RPS6KA5: variants seen among roughly 807,000 people sequenced by gnomAD.
The protein encoded by RPS6KA5 is ribosomal protein S6 kinase alpha-5.
Under a neutral mutation model 85.5 loss-of-function variants are expected in RPS6KA5, and 27 were observed. That is an observed-to-expected ratio of 0.32 (90% CI 0.23 to 0.44). RPS6KA5 has a LOEUF of 0.44. Among genes scored for constraint, RPS6KA5 ranks in the 20% least tolerant of loss-of-function variants. RPS6KA5 has a pLI of 1.00. For missense variants in RPS6KA5, 811 were observed against 980.9 expected (o/e 0.83, Z 2.31); for synonymous variants, 334 against 348.2 (o/e 0.96, Z 0.46).
intron 3 of RPS6KA5, among the ~76,000 whole-genome samples, chr14:90,952,748 A>T (rs1317152441): frequency 2.6e-5 from 4 of 152,242 alleles, no homozygotes; most frequent in Non-Finnish European, 4.4e-5. Context: ...CTACAACAAG[A>T]CTGATCATTA....
chr14:90,893,021 A>G (rs1267879713), intron 13 of RPS6KA5, among the ~76,000 whole-genome samples: 1 of 152,214 alleles, frequency 6.6e-6, no homozygotes, highest in Non-Finnish European at 1.5e-5. Context: ...GCAAATCTAA[A>G]TTCTGCAAGA....
chr14:90,876,952 CTCTT>C (rs1330839054), intron 14 of RPS6KA5, among the ~76,000 whole-genome samples: 6 of 152,132 alleles, frequency 3.9e-5, no homozygotes, highest in Non-Finnish European at 7.4e-5. Flanking sequence ...TACACACTGG[CTCTT>C]CAGAAAAGAT....
intron 3 of RPS6KA5, among the ~76,000 whole-genome samples, chr14:90,961,780 T>C (rs1223386495): frequency 6.6e-6 from 1 of 152,190 alleles, no homozygotes; most frequent in Non-Finnish European, 1.5e-5. Context: ...AATTTACATC[T>C]TGCAGTAGTG....
Position 90,873,672 on chromosome 14 carries a change from G to C in RPS6KA5, c.2120C>G (p.Ser707Cys). 2 of 1,614,118 alleles carry C rather than the reference G, an allele frequency of 1.2e-6. 1 individual carries two copies. Among genetic ancestry groups the C allele is most frequent in the South Asian group, 2.2e-5 (2 of 91,076 alleles). ...CACACAGGTATGCACGGCAGCTCCG[G>C]AAGATCCTAGAATATCCGGAGTCAT... ...PLMTPDILGS[S>C]GAAVHTCVKA... The change falls in exon 16 of 17, where the codon TCC (serine) becomes TGC (cysteine). Residue 707 changes from serine to cysteine, a missense_variant. Ser to Cys is a moderately radical substitution (Grantham distance 112). Around this residue, in one of 3 missense-constraint regions of RPS6KA5, gnomAD observed 650 missense variants for 793.4 expected, o/e 0.82. Transcript: ENST00000614987.
Position 90,847,925 on chromosome 14 carries a change from C to G in RPS6KA5, c.*24149G>C, listed in dbSNP as rs2031798707. On this transcript the variant is annotated 3_prime_UTR_variant, in exon 17 of 17. Coordinates refer to ENST00000614987, the MANE Select transcript of RPS6KA5 (RefSeq NM_004755.4). ...GAACAAATACATCTTTACACACACA[C>G]AAGTTGGTAAAAAGTAAGCCCTTAC... 1 of 152,180 alleles carries G rather than the reference C, an allele frequency of 6.6e-6. No individual in the cohort carries two copies. The highest frequency in any genetic ancestry group is 1.5e-5 in the Non-Finnish European group (1 of 68,026). The allele number at this position is 152,180 out of a possible 1,614,324, so 9.4% of individuals were successfully genotyped here.
chr14:90,853,901 TA>T lies in RPS6KA5; in HGVS notation c.*18172del, dbSNP rs1224618475. 6.6e-6 allele frequency: 1 copy of T among 152,168 alleles called. No homozygotes were observed. Among genetic ancestry groups the T allele is most frequent in the Non-Finnish European group, 1.5e-5 (1 of 68,020 alleles). The allele number at this position is 152,168 out of a possible 1,614,324, so 9.4% of individuals were successfully genotyped here. A position where few individuals can be genotyped will look rare whatever the true frequency, so the allele number is the denominator to read the frequency against. On this transcript the variant is annotated 3_prime_UTR_variant, in exon 17 of 17. Coordinates refer to ENST00000614987, the MANE Select transcript of RPS6KA5 (RefSeq NM_004755.4). ...AATATTTCACACCCTTTTTCTTGATTAATCATTTGTACCAGAGAAAACTCTG... is the reference window on the plus strand; with the variant it reads ...AATATTTCACACCCTTTTTCTTGATTATCATTTGTACCAGAGAAAACTCTG...
chr14:91,008,496 A>G (rs1245244044), intron 1 of RPS6KA5, among the ~76,000 whole-genome samples: 20 of 152,232 alleles, frequency 1.3e-4, no homozygotes, highest in Admixed American at 1.3e-3. Flanking sequence ...AACAGTCAAG[A>G]GTGCCTACTA....
intron 14 of RPS6KA5, among the ~76,000 whole-genome samples, chr14:90,885,086 C>G (rs1316949010): frequency 3.3e-5 from 5 of 151,646 alleles, no homozygotes; most frequent in Non-Finnish European, 4.4e-5. Flanking sequence ...AACCCCACCT[C>G]TACAAAAAAT....
chr14:90,906,622 T>C (rs927720505), intron 7 of RPS6KA5, among the ~76,000 whole-genome samples: 2 of 152,162 alleles, frequency 1.3e-5, no homozygotes, highest in African/African-American at 4.8e-5. Flanking sequence ...CTCTCGTATA[T>C]AGACTAGACT....
chr14:91,046,338 T>C (rs1221755228), intron 1 of RPS6KA5, among the ~76,000 whole-genome samples: 3 of 152,196 alleles, frequency 2.0e-5, no homozygotes, highest in Non-Finnish European at 4.4e-5. Flanking sequence ...GTCAAAGTTA[T>C]GAGTTTGATT....
At chr14:91,059,396 C>T (rs2139992679) in intron 1 of RPS6KA5, among the ~76,000 whole-genome samples, 1 of 149,958 alleles carries the variant, frequency 6.7e-6, no homozygotes, top group East Asian at 1.9e-4. Flanking sequence ...AAACCTTCAA[C>T]GCTCACAAAC....
intron 14 of RPS6KA5, among the ~76,000 whole-genome samples, chr14:90,885,056 T>C (rs2034101134): frequency 6.6e-6 from 1 of 151,220 alleles, no homozygotes; most frequent in South Asian, 2.1e-4. Flanking sequence ...AGTTTGAGAC[T>C]AGCCTGGGCA....
chr14:90,902,507 T>C (rs551150314), intron 9 of RPS6KA5, among the ~76,000 whole-genome samples: 7 of 152,202 alleles, frequency 4.6e-5, no homozygotes, highest in Admixed American at 2.6e-4. Context: ...TTTTTAAATA[T>C]GAATAGAGGT....
intron 1 of RPS6KA5, among the ~76,000 whole-genome samples, chr14:91,002,363 A>G (rs1326519998): frequency 6.6e-6 from 1 of 152,174 alleles, no homozygotes; most frequent in African/African-American, 2.4e-5. Context: ...TTCAACATAC[A>G]ATTCTTTCAA....
chr14:91,017,687 T>C (rs1210145787), intron 1 of RPS6KA5, among the ~76,000 whole-genome samples: 2 of 152,210 alleles, frequency 1.3e-5, no homozygotes, highest in African/African-American at 4.8e-5. Flanking sequence ...GGGTGGAAAT[T>C]TGAGTGGCAC....
intron 3 of RPS6KA5, among the ~76,000 whole-genome samples, chr14:90,970,435 A>G (rs1284223105): frequency 2.0e-5 from 3 of 152,240 alleles, no homozygotes; most frequent in Admixed American, 6.5e-5. Flanking sequence ...CATTGAAAGA[A>G]TGACTCATGA....
At chr14:91,029,972 T>C (rs1233923833) in intron 1 of RPS6KA5, among the ~76,000 whole-genome samples, 1 of 151,952 alleles carries the variant, frequency 6.6e-6, no homozygotes, top group Non-Finnish European at 1.5e-5. Context: ...TAAGCTAAAA[T>C]GCATGAGGAT....
chr14:90,877,075 T>C (rs930301338), intron 14 of RPS6KA5, among the ~76,000 whole-genome samples: 4 of 152,002 alleles, frequency 2.6e-5, no homozygotes, highest in African/African-American at 4.8e-5. Context: ...AAGACAGGAA[T>C]AAGACCCAGA....
At position 90,858,808 on chromosome 14, in the gene RPS6KA5, C is replaced by A. The variant is rs917040091; in HGVS notation, c.*13266G>T. The stretch of plus-strand genomic sequence containing the variant: ...AATTCACAACACAGGGAAATAAATA[C>A]CTAGCAGCAAGCAGTAATCCCACTT... On this transcript the variant is annotated 3_prime_UTR_variant, in exon 17 of 17. Coordinates refer to ENST00000614987, the MANE Select transcript of RPS6KA5 (RefSeq NM_004755.4). 1.3e-5 allele frequency: 2 copies of A among 152,182 alleles called. No homozygotes were observed. Among genetic ancestry groups the A allele is most frequent in the African/African-American group, 4.8e-5 (2 of 41,442 alleles). 9.4% of individuals were successfully genotyped at this position (152,182 alleles called of 1,614,324 possible). A position where few individuals can be genotyped will look rare whatever the true frequency, so the allele number is the denominator to read the frequency against.
Sources: gnomAD v4.1 joint callset for allele counts (sites outside exome capture counted in the v4.1 genomes callset) on GRCh38, gnomAD v4.1.1 for gene constraint, gnomAD v4.1.1 regional missense constraint, MANE v1.5 for transcripts, NCBI Gene and HGNC (gene_info 2026-07-23, HGNC 2026-07-21) for gene names.